Variants in GSK3B observed in about 807,000 individuals in gnomAD.
The protein encoded by GSK3B is glycogen synthase kinase-3 beta.
In GSK3B, 15 loss-of-function variants were observed where a neutral mutation model predicts 56.4. The observed-to-expected ratio is 0.27, with a 90% CI of 0.18 to 0.41. GSK3B has a LOEUF of 0.41. GSK3B is among the 10% of genes least tolerant of loss of function. The pLI is 1.00. For synonymous variants in GSK3B, 181 were observed against 188.9 expected, an observed-to-expected ratio of 0.96 and a Z score of 0.34; for missense variants, 300 against 513.4, an observed-to-expected ratio of 0.58 and a Z score of 4.02.
At chr3:119,864,310 G>A (rs1430864366) in intron 8 of GSK3B, among the ~76,000 whole-genome samples, 1 of 152,100 alleles carries the variant, frequency 6.6e-6, no homozygotes, top group East Asian at 1.9e-4. Flanking sequence ...TCAACTGAAG[G>A]CTATATTGAA....
At chr3:119,869,100 T>C (rs1313697140) in intron 8 of GSK3B, among the ~76,000 whole-genome samples, 1 of 151,376 alleles carries the variant, frequency 6.6e-6, no homozygotes, top group Non-Finnish European at 1.5e-5. Flanking sequence ...GGTGGGTGCC[T>C]GTAATCCCAG....
intron 2 of GSK3B, among the ~76,000 whole-genome samples, chr3:119,961,134 T>G (rs1271388348): frequency 6.6e-6 from 1 of 152,092 alleles, no homozygotes; most frequent in African/African-American, 2.4e-5. Flanking sequence ...TTCCCATTCC[T>G]GAGAATAGAG....
intron 1 of GSK3B, among the ~76,000 whole-genome samples, chr3:120,048,545 G>C (rs1447550303): frequency 6.6e-6 from 1 of 152,160 alleles, no homozygotes. Flanking sequence ...GTTAAGCAGG[G>C]ATAATAGAAT....
chr3:120,059,277 CATTT>C (rs772934382), intron 1 of GSK3B, among the ~76,000 whole-genome samples: 4 of 152,190 alleles, frequency 2.6e-5, no homozygotes, highest in Non-Finnish European at 5.9e-5. Context: ...CTGGAACAAA[CATTT>C]ATATCTTCTT....
At chr3:119,957,242 C>T (rs2057223006) in intron 2 of GSK3B, among the ~76,000 whole-genome samples, 1 of 152,104 alleles carries the variant, frequency 6.6e-6, no homozygotes, top group Non-Finnish European at 1.5e-5. Context: ...TATAAAATAA[C>T]ATACTGCCTA....
intron 2 of GSK3B, among the ~76,000 whole-genome samples, chr3:119,967,330 C>T (rs2057326579): frequency 6.6e-6 from 1 of 152,126 alleles, no homozygotes; most frequent in African/African-American, 2.4e-5. Context: ...TCCGCCTCGG[C>T]CTCCCAAGGT....
chr3:119,950,954 C>T (rs1165365907), intron 2 of GSK3B, among the ~76,000 whole-genome samples: 2 of 152,110 alleles, frequency 1.3e-5, no homozygotes, highest in East Asian at 3.9e-4. Flanking sequence ...AAACCCATGC[C>T]TAGTAGCACT....
At chr3:119,987,632 G>A (rs2057528525) in intron 2 of GSK3B, among the ~76,000 whole-genome samples, 1 of 151,888 alleles carries the variant, frequency 6.6e-6, no homozygotes, top group African/African-American at 2.4e-5. Context: ...GCACTAACCT[G>A]TTCTTTAACA....
intron 3 of GSK3B, among the ~76,000 whole-genome samples, chr3:119,931,341 C>A (rs1184925430): frequency 1.3e-5 from 2 of 152,228 alleles, no homozygotes; most frequent in Non-Finnish European, 2.9e-5. Flanking sequence ...ATAGGCCGGG[C>A]ACAGTGGCTC....
chr3:119,841,275 G>C (rs1163235513), intron 10 of GSK3B, among the ~76,000 whole-genome samples: 2 of 152,132 alleles, frequency 1.3e-5, no homozygotes, highest in Non-Finnish European at 2.9e-5. Flanking sequence ...GTTATACTAG[G>C]CTCCTACTAA....
intron 3 of GSK3B, among the ~76,000 whole-genome samples, chr3:119,928,636 G>A (rs1276913748): frequency 1.3e-4 from 17 of 135,380 alleles, no homozygotes; most frequent in African/African-American, 1.6e-4. Flanking sequence ...AAAAAAAAAA[G>A]AGGGAAAAGG....
intron 1 of GSK3B, among the ~76,000 whole-genome samples, chr3:120,056,835 A>C (rs1197131538): frequency 6.6e-6 from 1 of 152,210 alleles, no homozygotes; most frequent in African/African-American, 2.4e-5. Flanking sequence ...AGGGGCCAAT[A>C]TACAGGTAGA....
At chr3:120,075,714 G>A (rs1576312148) in intron 1 of GSK3B, among the ~76,000 whole-genome samples, 1 of 152,190 alleles carries the variant, frequency 6.6e-6, no homozygotes, top group Non-Finnish European at 1.5e-5. Flanking sequence ...TAAAACTACT[G>A]ATGAAAGAAA....
chr3:120,068,425 G>C (rs996565480), intron 1 of GSK3B, among the ~76,000 whole-genome samples: 7 of 149,452 alleles, frequency 4.7e-5, no homozygotes, highest in Non-Finnish European at 8.9e-5. Flanking sequence ...GGGACGCCAG[G>C]AGCGGTGGCT....
At chr3:120,028,182 A>G (rs2057943890) in intron 1 of GSK3B, among the ~76,000 whole-genome samples, 1 of 152,220 alleles carries the variant, frequency 6.6e-6, no homozygotes, top group Non-Finnish European at 1.5e-5. Flanking sequence ...ATGTGTGTTT[A>G]AAAGATTTCG....
At chr3:119,902,955 T>C (rs1380347932) in intron 7 of GSK3B, among the ~76,000 whole-genome samples, 1 of 151,956 alleles carries the variant, frequency 6.6e-6, no homozygotes, top group Non-Finnish European at 1.5e-5. Flanking sequence ...GCTCAAGCAA[T>C]CCACCCACCT....
At chr3:119,984,993 C>T (rs919895523) in intron 2 of GSK3B, among the ~76,000 whole-genome samples, 26 of 152,142 alleles carry the variant, frequency 1.7e-4, no homozygotes, top group Admixed American at 1.5e-3. Context: ...TTATCCACCA[C>T]GATCCAGCAG....
chr3:120,013,066 TAAA>T (rs1412599304), intron 1 of GSK3B, among the ~76,000 whole-genome samples: 4 of 152,136 alleles, frequency 2.6e-5, no homozygotes, highest in Admixed American at 2.6e-4. Context: ...CTCAATCTCC[TAAA>T]AACAGGATTG....
chr3:119,966,964 T>C (rs952485266), intron 2 of GSK3B, among the ~76,000 whole-genome samples: 3 of 152,072 alleles, frequency 2.0e-5, no homozygotes, highest in Non-Finnish European at 2.9e-5. Flanking sequence ...TAAAATCTCA[T>C]AGAAAGATAT....
Sources: allele counts gnomAD v4.1 joint callset (sites outside exome capture counted in the v4.1 genomes callset), GRCh38; gene constraint gnomAD v4.1.1; transcripts MANE v1.5; gene names NCBI Gene and HGNC (gene_info 2026-07-23, HGNC 2026-07-21).